The following USP32 variants were observed in gnomAD, a reference collection of about 807,000 sequenced individuals.
USP32 encodes ubiquitin specific peptidase 32.
USP32 carries 59 observed loss-of-function variants against 204.8 expected under a neutral mutation model. The observed-to-expected ratio is 0.29, with a 90% CI of 0.23 to 0.36. The LOEUF (loss-of-function observed/expected upper bound fraction) is 0.36. Ranked by LOEUF, USP32 falls within the 10% of genes least tolerant of loss-of-function variation. USP32 has a pLI of 1.00. For missense variants in USP32, 1,160 were observed against 1,946.4 expected, an observed-to-expected ratio of 0.60 and a Z score of 7.60; for synonymous variants, 517 against 678.4, an observed-to-expected ratio of 0.76 and a Z score of 3.70.
rs903519498 is a variant in USP32, at chr17:60,183,426, C to T, written c.3862G>A (p.Val1288Ile). ...LIIHLKRFQF[V>I]NGRWIKSQKI... ...TGTGATTTTATCCACCGACCATTTA[C>T]AAATTGAAATCGCTTAAGGTGAATA... The change falls in exon 31 of 34, where the codon GTA becomes ATA. Residue 1288 changes from valine (V) to isoleucine (I), a missense_variant. Around this residue, in one of 8 missense-constraint regions of USP32, gnomAD observed 160 missense variants for 322.5 expected, o/e 0.50. Transcript: ENST00000300896. 6.2e-7 allele frequency: 1 copy of T among 1,611,356 alleles called. No homozygotes were observed.
chr17:60,389,981 C>A (rs935763828), intron 1 of USP32, among the ~76,000 whole-genome samples: 3 of 152,032 alleles, frequency 2.0e-5, no homozygotes, highest in Non-Finnish European at 4.4e-5. Flanking sequence ...CGCGCCACTG[C>A]ACTCCAGCCT....
chr17:60,293,383 A>G (rs947970420), intron 4 of USP32, among the ~76,000 whole-genome samples: 2 of 152,246 alleles, frequency 1.3e-5, no homozygotes, highest in African/African-American at 4.8e-5. Context: ...CAAGTTTGCT[A>G]GATTATCTTT....
intron 26 of USP32, among the ~76,000 whole-genome samples, chr17:60,205,088 C>T (rs2084789507): frequency 6.6e-6 from 1 of 152,018 alleles, no homozygotes; most frequent in Admixed American, 6.6e-5. Flanking sequence ...CCACTGCACC[C>T]GGCCAGGAGA....
chr17:60,251,003 C>T (rs1287852124), intron 11 of USP32, among the ~76,000 whole-genome samples: 1 of 150,870 alleles, frequency 6.6e-6, no homozygotes, highest in Admixed American at 6.6e-5. Flanking sequence ...AATGCAATGG[C>T]ATAATCTTGG....
chr17:60,218,211 C>T (rs938028006), intron 16 of USP32, among the ~76,000 whole-genome samples: 2 of 151,934 alleles, frequency 1.3e-5, no homozygotes, highest in Non-Finnish European at 2.9e-5. Context: ...GGTGAAACCC[C>T]GTCTCTATTA....
chr17:60,344,827 AC>A (rs1394245731), intron 2 of USP32, among the ~76,000 whole-genome samples: 2 of 152,016 alleles, frequency 1.3e-5, no homozygotes, highest in African/African-American at 4.8e-5. Flanking sequence ...AAAATAGTAA[AC>A]TTTTATTTTA....
At chr17:60,282,143 C>T (rs1426917682) in intron 5 of USP32, among the ~76,000 whole-genome samples, 1 of 152,178 alleles carries the variant, frequency 6.6e-6, no homozygotes, top group Non-Finnish European at 1.5e-5. Flanking sequence ...CCACGGAAAT[C>T]AATGCGCACA....
chr17:60,198,269 G>A lies in USP32; in HGVS notation c.3425C>T (p.Ala1142Val). The change falls in exon 27 of 34, where the codon GCC (alanine) becomes GTC (valine). Residue 1142 changes from alanine to valine, a missense_variant. Transcript: ENST00000300896. ...GATCCCCTGAACTCACCAATCCTGG[G>A]CATGATTACTAGCTTCCTGAGGTGG... ...PLPPQEASNH[A>V]QDCDDSMGYQ... The A allele has an allele frequency of 6.2e-7, 1 of 1,614,036 alleles. No individual in the cohort carries two copies. Among genetic ancestry groups the A allele is most frequent in the Non-Finnish European group, 8.5e-7 (1 of 1,179,938 alleles).
chr17:60,354,151 T>C (rs961530533), intron 1 of USP32, among the ~76,000 whole-genome samples: 4 of 152,236 alleles, frequency 2.6e-5, no homozygotes, highest in Admixed American at 2.6e-4. Flanking sequence ...TATTTCACAA[T>C]AAACCACAAT....
intron 2 of USP32, among the ~76,000 whole-genome samples, chr17:60,327,319 T>C (rs565598694): frequency 1.3e-5 from 2 of 151,952 alleles, no homozygotes; most frequent in Non-Finnish European, 2.9e-5. Context: ...GGTGGCAGGA[T>C]TGGCTTCAAG....
chr17:60,351,664 G>A (rs1004652907), intron 1 of USP32, among the ~76,000 whole-genome samples: 2 of 152,170 alleles, frequency 1.3e-5, no homozygotes, highest in Admixed American at 6.5e-5. Context: ...CTGACCTCAG[G>A]TGATCCACCT....
At chr17:60,203,326 A>T (rs35069617) in intron 26 of USP32, among the ~76,000 whole-genome samples, 4 of 141,548 alleles carry the variant, frequency 2.8e-5, no homozygotes, top group Non-Finnish European at 6.0e-5. Flanking sequence ...GCTTGAACCC[A>T]GGAGGCGGAG....
chr17:60,373,405 T>A (rs1034723530), intron 1 of USP32, among the ~76,000 whole-genome samples: 8 of 151,948 alleles, frequency 5.3e-5, no homozygotes, highest in African/African-American at 1.5e-4. Context: ...AATTTACTAA[T>A]TTTTTCTTCA....
intron 1 of USP32, among the ~76,000 whole-genome samples, chr17:60,389,771 C>T (rs975212147): frequency 2.0e-5 from 3 of 151,814 alleles, no homozygotes; most frequent in Admixed American, 6.6e-5. Flanking sequence ...AATCCCAGCA[C>T]TTTGGGAGGC....
In USP32 at chr17:60,183,305, T is replaced by G. The variant is rs768544066; in HGVS notation, c.3983A>C (p.Gln1328Pro). Residue 1328 changes from glutamine to proline, a missense_variant, in exon 31 of 34, where the codon CAG becomes CCG. Physicochemically the swap from Gln to Pro is moderately conservative, Grantham distance 76 (BLOSUM62 -1). Transcript: ENST00000300896. ...CCTGGGCTCAGAGAGCTCATCCCCC[T>G]GGGGTGTGAGTGGTTTATGCTGGCA... is the stretch of plus-strand genomic sequence containing the variant. ...ALCQHKPLTP[Q>P]GDELSEPRIL... The G allele has an allele frequency of 6.2e-7, 1 of 1,613,936 alleles. No individual in the cohort carries two copies. The highest frequency in any genetic ancestry group is 8.5e-7 in the Non-Finnish European group (1 of 1,179,856).
At position 60,184,058 on chromosome 17, in the gene USP32, G is replaced by A. The variant is rs545787929; in HGVS notation, c.3835-605C>T. 1.9e-4 allele frequency among the ~76,000 whole-genome samples: 29 copies of A among 152,004 alleles called. 1 individual carries two copies. The South Asian group carries it at 6.0e-3, about 31-fold the overall frequency. ...ACCCCGCGCTTTGGGAGGCCAAGGC[G>A]GGTGGCTCATGAGGTCAGGAGATCG... On this transcript the variant is annotated intron_variant, in intron 30 of 33. Coordinates refer to ENST00000300896, the MANE Select transcript of USP32 (RefSeq NM_032582.4).
chr17:60,218,698 G>C (rs1273878062), intron 16 of USP32, among the ~76,000 whole-genome samples: 1 of 151,838 alleles, frequency 6.6e-6, no homozygotes, highest in African/African-American at 2.4e-5. Context: ...CCACCTCCTG[G>C]GTTCAAGCGA....
intron 2 of USP32, among the ~76,000 whole-genome samples, chr17:60,329,188 A>T (rs1483074090): frequency 6.6e-6 from 1 of 152,174 alleles, no homozygotes; most frequent in East Asian, 1.9e-4. Flanking sequence ...AGAAAGTGTT[A>T]AATAATACTT....
At chr17:60,323,309 A>T (rs1428873428) in intron 2 of USP32, among the ~76,000 whole-genome samples, 1 of 152,222 alleles carries the variant, frequency 6.6e-6, no homozygotes, top group Non-Finnish European at 1.5e-5. Context: ...ATTATTCAAC[A>T]ATAAAAAGGA....
Sources: allele counts gnomAD v4.1 joint callset (sites outside exome capture counted in the v4.1 genomes callset), GRCh38; gene constraint gnomAD v4.1.1; regional missense constraint gnomAD v4.1.1; transcripts MANE v1.5; gene names NCBI Gene and HGNC (gene_info 2026-07-23, HGNC 2026-07-21).